ZSCAN5A: variants seen among roughly 807,000 people sequenced by gnomAD.
ZSCAN5A encodes the protein zinc finger and SCAN domain-containing protein 5A.
A neutral mutation model predicts 23.7 loss-of-function variants in ZSCAN5A; 12 were observed. That is an observed-to-expected ratio of 0.51 (90% confidence interval 0.32 to 0.82). The LOEUF (loss-of-function observed/expected upper bound fraction) is 0.82, where lower values mean the gene tolerates loss of function less well. Among genes scored for constraint, ZSCAN5A ranks in the 40% least tolerant of loss-of-function variants. ZSCAN5A has a pLI of 0.03. For missense variants in ZSCAN5A, 597 were observed against 617.9 expected (o/e 0.97, Z 0.36); for synonymous variants, 257 against 239.9 (o/e 1.07, Z -0.66).
intron 2 of ZSCAN5A, among the ~76,000 whole-genome samples, chr19:56,304,051 C>T (rs1421479264): frequency 3.9e-5 from 6 of 152,080 alleles, no homozygotes; most frequent in East Asian, 1.9e-4. Flanking sequence ...AGTGGACAGC[C>T]GCCAGCAAGA....
intron 2 of ZSCAN5A, among the ~76,000 whole-genome samples, chr19:56,328,525 C>T (rs1161094885): frequency 6.6e-6 from 1 of 151,404 alleles, no homozygotes; most frequent in East Asian, 2.0e-4. Flanking sequence ...ACCTGTAATC[C>T]CAGCTACTTA....
chr19:56,348,231 GTC>G (rs887374903), intron 2 of ZSCAN5A: 4 of 152,178 alleles, frequency 2.6e-5, no homozygotes, highest in Non-Finnish European at 5.9e-5. Context: ...ACTAGAGCTA[GTC>G]TCTCTCTGTC....
chr19:56,318,093 C>T (rs1473684635), upstream of ZSCAN5A: 3 of 151,982 alleles, frequency 2.0e-5, no homozygotes, highest in South Asian at 2.1e-4. Context: ...ACCACCACAG[C>T]GCCATTTAGG....
At chr19:56,300,993 C>T (rs1316561508) in intron 2 of ZSCAN5A, among the ~76,000 whole-genome samples, 2 of 152,088 alleles carry the variant, frequency 1.3e-5, no homozygotes, top group East Asian at 1.9e-4. Flanking sequence ...GAAAGGATGG[C>T]GTAGTGGGCA....
intron 2 of ZSCAN5A, among the ~76,000 whole-genome samples, chr19:56,304,223 C>G (rs1238293067): frequency 6.6e-6 from 1 of 152,126 alleles, no homozygotes; most frequent in African/African-American, 2.4e-5. Flanking sequence ...GAGATGAGAG[C>G]CGTGCAGCAG....
intron 2 of ZSCAN5A, among the ~76,000 whole-genome samples, chr19:56,282,293 CTCCAAAGGGG>C (rs1160912378): frequency 6.6e-6 from 1 of 152,164 alleles, no homozygotes; most frequent in Non-Finnish European, 1.5e-5. Flanking sequence ...GTAAATGTGC[CTCCAAAGGGG>C]TCCAATGCAC....
rs1033999902 is a variant in ZSCAN5A at position 56,351,402 on chromosome 19, G to A, written c.-358+11833C>T. On this transcript the variant is annotated intron_variant, in intron 2 of 6. Coordinates refer to the ZSCAN5A transcript ENST00000587340. The surrounding 1 kb of genome is among the most constrained non-coding windows in gnomAD (Gnocchi z 4.8). ...GCAACCCACATTTGCATATTAAAAG[G>A]CTATGGCGGGAGGGCCTGGTTTCTC... Among the ~76,000 whole-genome samples the A allele has an allele frequency of 6.6e-6, 1 of 151,992 alleles. No homozygotes were observed. The highest frequency in any genetic ancestry group is 1.5e-5 in the Non-Finnish European group (1 of 67,994).
At chr19:56,250,319 A>AT (rs1253070366) in intron 2 of ZSCAN5A, among the ~76,000 whole-genome samples, 1 of 152,154 alleles carries the variant, frequency 6.6e-6, no homozygotes, top group Non-Finnish European at 1.5e-5. Context: ...GGTTTAAAAA[A>AT]TTTTTCCAGG....
intron 2 of ZSCAN5A, among the ~76,000 whole-genome samples, chr19:56,326,336 T>TGTGTGG (rs2041434169): frequency 6.6e-6 from 1 of 151,758 alleles, no homozygotes; most frequent in South Asian, 2.1e-4. Flanking sequence ...TGTGTGTGTG[T>TGTGTGG]GGTGAGAACA....
exon 1 of ZSCAN5A, chr19:56,368,225 C>T (rs1422763071): frequency 6.6e-6 from 1 of 152,388 alleles, no homozygotes; most frequent in Non-Finnish European, 1.5e-5. Context: ...TCCCAGGTAG[C>T]TCGTCTCTTA....
At position 56,221,946 on chromosome 19, in the gene ZSCAN5A, G is replaced by A; in HGVS notation, c.1120C>T (p.His374Tyr). 6.2e-7 allele frequency: 1 copy of A among 1,614,156 alleles called. No individual in the cohort carries two copies. The highest frequency in any genetic ancestry group is 8.5e-7 in the Non-Finnish European group (1 of 1,180,028). Residue 374 changes from histidine to tyrosine, a missense_variant, in exon 6 of 6, where the codon CAC becomes TAC. His to Tyr is a moderately conservative substitution (Grantham distance 83). Coordinates refer to ENST00000683990, the MANE Select transcript of ZSCAN5A (RefSeq NM_001322064.3). ...RFTCNSKLVI[H>Y]KRSHTGERLF... ...CTCTCGCCTGTGTGTGATCTCTTGT[G>A]GATGACTAGCTTGGAATTACACGTA...
At chr19:56,273,442 CT>C (rs1383871598) in intron 2 of ZSCAN5A, among the ~76,000 whole-genome samples, 1 of 146,534 alleles carries the variant, frequency 6.8e-6, no homozygotes, top group Non-Finnish European at 1.5e-5. Flanking sequence ...TTTCCACGGG[CT>C]TGATGCTGGG....
chr19:56,288,436 A>G (rs1188335556), intron 2 of ZSCAN5A, among the ~76,000 whole-genome samples: 1 of 152,140 alleles, frequency 6.6e-6, no homozygotes, highest in Non-Finnish European at 1.5e-5. Context: ...GTGTCCCCGC[A>G]AGGTTAGCAA....
intron 2 of ZSCAN5A, among the ~76,000 whole-genome samples, chr19:56,308,331 C>T (rs1235715255): frequency 1.4e-5 from 2 of 144,668 alleles, no homozygotes; most frequent in Admixed American, 6.9e-5. Context: ...GGCTCCCAGT[C>T]TTTTTTTTTT....
At chr19:56,310,444 GT>G (rs1254838083) in intron 2 of ZSCAN5A, 1 of 152,240 alleles carries the variant, frequency 6.6e-6, no homozygotes, top group Non-Finnish European at 1.5e-5. Flanking sequence ...ATGTATACTT[GT>G]TGAAATGGCT....
chr19:56,246,897 A>G lies in ZSCAN5A; in HGVS notation c.-127-21724T>C, dbSNP rs61745419. 3.0e-3 allele frequency: 4,858 copies of G among 1,608,766 alleles called. 129 individuals carry two copies. In the African/African-American group the frequency reaches 0.059, roughly 20 times the overall value. ...TGAGATGTCCCAAAAGAAGCAAACC[A>G]GACGCCACCTCCATTTCCCAAGAAG... is the stretch of plus-strand genomic sequence containing the variant. On this transcript the variant is annotated intron_variant, in intron 2 of 5. Coordinates refer to ENST00000683990, the MANE Select transcript of ZSCAN5A (RefSeq NM_001322064.3).
chr19:56,350,597 A>AG (rs1239866289), intron 2 of ZSCAN5A, among the ~76,000 whole-genome samples: 1 of 152,184 alleles, frequency 6.6e-6, no homozygotes, highest in Non-Finnish European at 1.5e-5. Flanking sequence ...GCTTTTCTCT[A>AG]GGAAAAAGTT....
intron 2 of ZSCAN5A, among the ~76,000 whole-genome samples, chr19:56,237,745 C>T (rs2035043881): frequency 6.6e-6 from 1 of 151,726 alleles, no homozygotes; most frequent in Non-Finnish European, 1.5e-5. Flanking sequence ...CATGGCGAAA[C>T]CCCGTCTCTA....
At chr19:56,268,399 G>A (rs1225254822) in intron 2 of ZSCAN5A, among the ~76,000 whole-genome samples, 1 of 152,244 alleles carries the variant, frequency 6.6e-6, no homozygotes, top group African/African-American at 2.4e-5. Context: ...GTACAGAGGG[G>A]TTGAACTATT....
Sources: gnomAD v4.1 joint callset for allele counts (sites outside exome capture counted in the v4.1 genomes callset) on GRCh38, gnomAD v4.1.1 for gene constraint, Gnocchi (gnomAD v3.1) non-coding constraint, MANE v1.5 for transcripts, NCBI Gene and HGNC (gene_info 2026-07-23, HGNC 2026-07-21) for gene names.